The following FANCA variants were observed in gnomAD, a reference collection of about 807,000 sequenced individuals.
FANCA encodes Fanconi anemia group A protein.
A neutral mutation model predicts 194.3 loss-of-function variants in FANCA; 236 were observed. The observed-to-expected ratio is 1.21, with a 90% CI of 1.09 to 1.35. The LOEUF (loss-of-function observed/expected upper bound fraction) is 1.35. Ranked by LOEUF, FANCA falls within the 40% of genes most tolerant of loss-of-function variation. The pLI, the probability that FANCA is intolerant of heterozygous loss-of-function variation, is 0.00. For synonymous variants in FANCA, 1,014 were observed against 715.8 expected (o/e 1.42, Z -6.65); for missense variants, 2,628 against 1,813.9 (o/e 1.45, Z -8.15).
In FANCA at chr16:89,738,125, T is replaced by C. The variant is rs2062010166; in HGVS notation, c.*476A>G. 1 of 1,613,768 alleles carries C rather than the reference T, an allele frequency of 6.2e-7. No homozygotes were observed. The highest frequency in any genetic ancestry group is 8.5e-7 in the Non-Finnish European group (1 of 1,180,022). ...CACAACCTCAATGTACACATGTCCATGGTGCACCCGCTGACACAGACCCAG... is the reference window on the plus strand; with the variant it reads ...CACAACCTCAATGTACACATGTCCACGGTGCACCCGCTGACACAGACCCAG... On this transcript the variant is annotated 3_prime_UTR_variant, in exon 43 of 43. Coordinates refer to ENST00000389301, the MANE Select transcript of FANCA (RefSeq NM_000135.4).
chr16:89,776,172 T>C (rs1386982743), intron 20 of FANCA, among the ~76,000 whole-genome samples: 3 of 140,100 alleles, frequency 2.1e-5, no homozygotes, highest in East Asian at 4.1e-4. Flanking sequence ...TTTTTTTTTT[T>C]TTTTTTTTTT....
intron 6 of FANCA, 55 bp from the exon 7 acceptor site, chr16:89,805,447 G>A: frequency 2.8e-6 from 4 of 1,431,962 alleles, no homozygotes; most frequent in Non-Finnish European, 9.8e-7. Flanking sequence ...ATCATCAGGG[G>A]ATTGAGTTGA....
chr16:89,786,201 T>A (rs767515917), intron 14 of FANCA, among the ~76,000 whole-genome samples: 31 of 145,160 alleles, frequency 2.1e-4, no homozygotes, highest in Non-Finnish European at 3.3e-4. Flanking sequence ...TCCTTTTTTC[T>A]GAGACAAAGC....
chr16:89,754,271 G>A (rs967436923), intron 30 of FANCA, among the ~76,000 whole-genome samples: 1 of 151,666 alleles, frequency 6.6e-6, no homozygotes, highest in African/African-American at 2.4e-5. Flanking sequence ...AACACTGCCC[G>A]GGGAGTTCAA....
At chr16:89,762,681 T>G in intron 28 of FANCA, 1 of 375,416 alleles carries the variant, frequency 2.7e-6, no homozygotes, top group South Asian at 1.9e-5. Context: ...CAGGCTGGAG[T>G]GTGTGCAGTG....
intron 35 of FANCA, among the ~76,000 whole-genome samples, chr16:89,746,294 C>G (rs548433063): frequency 2.8e-4 from 43 of 152,194 alleles, no homozygotes; most frequent in Admixed American, 2.8e-3. Flanking sequence ...AAGCCCTGCA[C>G]CCCTGTGGAC....
intron 6 of FANCA, among the ~76,000 whole-genome samples, chr16:89,806,562 T>C (rs12449000): frequency 0.46 from 69,171 of 150,864 alleles, 17,061 homozygotes; most frequent in East Asian, 0.98. Context: ...TTAACGAGCA[T>C]GCTGCCTTCA....
chr16:89,765,933 T>C (rs2039111312), intron 27 of FANCA, among the ~76,000 whole-genome samples: 1 of 152,218 alleles, frequency 6.6e-6, no homozygotes. Context: ...GCCAGGAATC[T>C]ATAGTTTCAA....
chr16:89,758,002 C>A (rs907457688), intron 30 of FANCA, among the ~76,000 whole-genome samples: 4 of 152,090 alleles, frequency 2.6e-5, no homozygotes, highest in African/African-American at 9.7e-5. Flanking sequence ...ATTACAGGCA[C>A]CCGCCACCAC....
At chr16:89,793,412 T>G (rs2040142865) in intron 11 of FANCA, among the ~76,000 whole-genome samples, 1 of 152,234 alleles carries the variant, frequency 6.6e-6, no homozygotes, top group South Asian at 2.1e-4. Flanking sequence ...AGGTTATGAT[T>G]ATAGAGCGAG....
In FANCA at chr16:89,778,898, G is replaced by C. The variant is rs111331733; in HGVS notation, c.1776+45C>G. The C allele has an allele frequency of 1.1e-5, 17 of 1,613,878 alleles. 1 individual carries two copies. Among genetic ancestry groups the C allele is most frequent in the African/African-American group, 2.7e-5 (2 of 75,016 alleles). On this transcript the variant is annotated intron_variant, in intron 19 of 42. Coordinates refer to ENST00000389301, the MANE Select transcript of FANCA (RefSeq NM_000135.4). ...TGAGAGACTGACAAGGAAAGTCCTT[G>C]CTTTCTACACAACTGGTCACAAACT...
intron 7 of FANCA, 110 bp downstream of exon 7, chr16:89,805,170 G>C (rs745711827): frequency 1.2e-5 from 10 of 828,254 alleles, no homozygotes; most frequent in African/African-American, 1.7e-5. Flanking sequence ...AGGTTCCCAC[G>C]GCCACGGAGA....
At chr16:89,759,899 C>G (rs563255538) in intron 29 of FANCA, among the ~76,000 whole-genome samples, 15 of 152,098 alleles carry the variant, frequency 9.9e-5, no homozygotes, top group Non-Finnish European at 1.9e-4. Flanking sequence ...CTCACACTGT[C>G]CGGGACTGGG....
intron 11 of FANCA, 112 bp downstream of exon 11, chr16:89,795,794 C>G (rs17226075): frequency 2.6e-6 from 2 of 782,056 alleles, no homozygotes; most frequent in South Asian, 1.4e-5. Context: ...TCAAGACAGA[C>G]GTAAAAGAGG....
rs552377521 is a variant in FANCA, at chr16:89,766,948, C to T, written c.2601+193G>A. Among the ~76,000 whole-genome samples, 8 of 152,334 alleles carry T rather than the reference C, an allele frequency of 5.3e-5. No individual in the cohort carries two copies. The South Asian group carries it at 1.7e-3, about 32-fold the overall frequency. ...GGAAAGGCAGCACTCAGCAGTCAGG[C>T]TGCCTAAGCAGACAGCAGAGGTGGC... On this transcript the variant is annotated intron_variant, in intron 27 of 42. Coordinates refer to ENST00000389301, the MANE Select transcript of FANCA (RefSeq NM_000135.4).
At chr16:89,789,908 A>C (rs895148027) in intron 14 of FANCA, among the ~76,000 whole-genome samples, 9 of 152,120 alleles carry the variant, frequency 5.9e-5, no homozygotes, top group African/African-American at 2.2e-4. Context: ...AGGTCTCAGG[A>C]GCTCAGACTC....
At position 89,810,201 on chromosome 16, in the gene FANCA, T is replaced by C. The variant is rs183383703; in HGVS notation, c.522+506A>G. On this transcript the variant is annotated intron_variant, in intron 5 of 42. Transcript: ENST00000389301. ...AGCTGGGCGTGGTGGCAGTCACCTG[T>C]AGTCCCAGCTACTCGGGAGGCTGAG... 3.2e-3 allele frequency among the ~76,000 whole-genome samples: 478 copies of C among 151,284 alleles called. 1 individual carries two copies. The highest frequency in any genetic ancestry group is 4.9e-3 in the Non-Finnish European group (333 of 67,856).
intron 3 of FANCA, among the ~76,000 whole-genome samples, chr16:89,813,057 A>T (rs144222802): frequency 2.0e-5 from 3 of 151,758 alleles, no homozygotes; most frequent in Non-Finnish European, 4.4e-5. Flanking sequence ...AAAATTTTAC[A>T]ATAGTTCTAG....
At chr16:89,775,715 G>C (rs1417138746) in intron 21 of FANCA, 27 bp downstream of exon 21, 3 of 1,589,038 alleles carry the variant, frequency 1.9e-6, no homozygotes, top group Admixed American at 1.7e-5. Flanking sequence ...ACAAGTCCCA[G>C]AGTGGACAAG....
Sources: gnomAD v4.1 joint callset for allele counts (sites outside exome capture counted in the v4.1 genomes callset) on GRCh38, gnomAD v4.1.1 for gene constraint, MANE v1.5 for transcripts, NCBI Gene and HGNC (gene_info 2026-07-23, HGNC 2026-07-21) for gene names.